The following SEMG2 variants were observed in gnomAD, a reference collection of about 807,000 sequenced individuals.
SEMG2 encodes the protein semenogelin-2.
SEMG2 carries 3 observed loss-of-function variants against 8.1 expected under a neutral mutation model. The ratio of observed to expected loss-of-function variants is 0.37; its 90% CI spans 0.17 to 0.96. The LOEUF (loss-of-function observed/expected upper bound fraction) is 0.96, where lower values mean the gene tolerates loss of function less well. Ranked by LOEUF, SEMG2 falls within the 40% of genes least tolerant of loss-of-function variation. The pLI is 0.41. For missense variants in SEMG2, 726 were observed against 671.2 expected, an observed-to-expected ratio of 1.08 and a Z score of -0.90; for synonymous variants, 252 against 231.4, an observed-to-expected ratio of 1.09 and a Z score of -0.81.
In SEMG2 at chr20:45,221,797, A is replaced by G. The variant is rs367855275; in HGVS notation, c.165A>G (p.Gln55=). The G allele has an allele frequency of 3.7e-6, 6 of 1,614,096 alleles. No individual in the cohort carries two copies. In the African/African-American group the frequency reaches 5.3e-5, roughly 14 times the overall value. ...GQHYFGQKDQ[Q]HTKSKGSFSI... is the part of the protein sequence containing the mutation. The stretch of plus-strand genomic sequence containing the variant: ...ACTATTTTGGACAAAAAGACCAACA[A>G]CATACTAAATCCAAAGGCAGTTTTT... The change falls in exon 2 of 3, where the codon CAA becomes CAG. Residue 55 remains glutamine (Q), a synonymous_variant. Transcript: ENST00000372769.
In SEMG2 at chr20:45,221,799, A is replaced by G. The variant is rs780842367; in HGVS notation, c.167A>G (p.His56Arg). The G allele has an allele frequency of 6.2e-7, 1 of 1,614,218 alleles. No individual in the cohort carries two copies. The highest frequency in any genetic ancestry group is 8.5e-7 in the Non-Finnish European group (1 of 1,180,028). Residue 56 changes from histidine (H) to arginine (R), a missense_variant, in exon 2 of 3, where the codon CAT becomes CGT. Transcript: ENST00000372769. ...QHYFGQKDQQ[H>R]TKSKGSFSIQ... ...TATTTTGGACAAAAAGACCAACAAC[A>G]TACTAAATCCAAAGGCAGTTTTTCT...
Position 45,222,260 on chromosome 20 carries a change from A to G in SEMG2, c.628A>G (p.Thr210Ala). 6.2e-7 allele frequency: 1 copy of G among 1,614,116 alleles called. No homozygotes were observed. Among genetic ancestry groups the G allele is most frequent in the Middle Eastern group, 1.6e-4 (1 of 6,062 alleles). The change falls in exon 2 of 3, where the codon ACT becomes GCT. Residue 210 changes from threonine to alanine, a missense_variant. Thr to Ala is a moderately conservative substitution (Grantham distance 58). Transcript: ENST00000372769. ...ELVVNKQQRETKNSHQNKGHY... is the reference protein window; with the variant it reads ...ELVVNKQQREAKNSHQNKGHY... Reference sequence around the variant, plus strand: ...AGTAGTTAACAAACAACAACGTGAGACTAAAAATTCTCATCAAAATAAAGG... The same window carrying G: ...AGTAGTTAACAAACAACAACGTGAGGCTAAAAATTCTCATCAAAATAAAGG...
Position 45,221,893 on chromosome 20 carries a change from G to A in SEMG2, c.261G>A (p.Leu87=), listed in dbSNP as rs147702753. 486 of 1,613,810 alleles carry A rather than the reference G, an allele frequency of 3.0e-4. No homozygotes were observed. The highest frequency in any genetic ancestry group is 4.0e-4 in the Non-Finnish European group (475 of 1,179,972). Residue 87 remains leucine (L), a synonymous_variant, in exon 2 of 3, where the codon TTG becomes TTA. Coordinates refer to ENST00000372769, the MANE Select transcript of SEMG2 (RefSeq NM_003008.3). ...CCCGAAAAAGTCAGCAATATGATTT[G>A]AATGCCCTACATAAGGCGACAAAAT... ...DWTRKSQQYD[L]NALHKATKSK... is the part of the protein sequence containing the mutation.
In SEMG2 at chr20:45,223,696, T is replaced by C. The variant is rs546394583; in HGVS notation, c.*44+271T>C. 2.0e-5 allele frequency among the ~76,000 whole-genome samples: 3 copies of C among 152,374 alleles called. No individual in the cohort carries two copies. The South Asian group carries it at 6.2e-4, about 32-fold the overall frequency. ...CATGCCTACCTGCTAAAGATTTTTTTGAACATGCACTGACTATATATGCAT... is the reference window on the plus strand; with the variant it reads ...CATGCCTACCTGCTAAAGATTTTTTCGAACATGCACTGACTATATATGCAT... On this transcript the variant is annotated intron_variant, in intron 2 of 2. Coordinates refer to ENST00000372769, the MANE Select transcript of SEMG2 (RefSeq NM_003008.3).
At chr20:45,221,510 T>A in intron 1 of SEMG2, 45 bp downstream of exon 1, 1 of 1,607,740 alleles carries the variant, frequency 6.2e-7, no homozygotes, top group Non-Finnish European at 8.5e-7. Context: ...TTTAAAAAAA[T>A]GGCCTCTAAG....
intron 1 of SEMG2, 109 bp downstream of exon 1, chr20:45,221,574 G>A: frequency 1.4e-6 from 2 of 1,424,132 alleles, no homozygotes; most frequent in Non-Finnish European, 1.9e-6. Context: ...TCTCCTTGAT[G>A]AGAATTGATT....
chr20:45,222,152 G>A lies in SEMG2; in HGVS notation c.520G>A (p.Glu174Lys), dbSNP rs769317812. 6.2e-7 allele frequency: 1 copy of A among 1,614,128 alleles called. No homozygotes were observed. Among genetic ancestry groups the A allele is most frequent in the Admixed American group, 1.7e-5 (1 of 60,022 alleles). The change falls in exon 2 of 3, where the codon GAA (glutamate) becomes AAA (lysine). Residue 174 changes from glutamate (E) to lysine (K), a missense_variant. Physicochemically the swap from Glu to Lys is moderately conservative, Grantham distance 56 (BLOSUM62 1). Coordinates refer to ENST00000372769, the MANE Select transcript of SEMG2 (RefSeq NM_003008.3). The part of the protein sequence containing the change: ...KRLWVHGLSK[E>K]QASASGAQKG... ...GCTATGGGTTCATGGACTAAGTAAA[G>A]AACAAGCTTCAGCCTCTGGTGCACA...
rs147702753 is a variant in SEMG2 at position 45,221,893 on chromosome 20, G to T, written c.261G>T (p.Leu87Phe). 1 of 1,613,928 alleles carries T rather than the reference G, an allele frequency of 6.2e-7. No homozygotes were observed. Among genetic ancestry groups the T allele is most frequent in the Non-Finnish European group, 8.5e-7 (1 of 1,179,964 alleles). ...DWTRKSQQYD[L>F]NALHKATKSK... ...CCCGAAAAAGTCAGCAATATGATTT[G>T]AATGCCCTACATAAGGCGACAAAAT... The change falls in exon 2 of 3, where the codon TTG (leucine) becomes TTT (phenylalanine). Residue 87 changes from leucine (L) to phenylalanine (F), a missense_variant. Transcript: ENST00000372769.
At chr20:45,223,552 G>T in intron 2 of SEMG2, 127 bp downstream of exon 2, 1 of 506,548 alleles carries the variant, frequency 2.0e-6, no homozygotes, top group Non-Finnish European at 3.4e-6. Context: ...GTGGTGGGAA[G>T]ATGAACACCA....
At chr20:45,221,500 T>C (rs762780645) in intron 1 of SEMG2, 35 bp downstream of exon 1, 3 of 1,608,906 alleles carry the variant, frequency 1.9e-6, no homozygotes, top group Non-Finnish European at 2.5e-6. Context: ...GGAAAGCTAC[T>C]TTAAAAAAAT....
Position 45,223,005 on chromosome 20 carries a change from A to G in SEMG2, c.1373A>G (p.Glu458Gly). 6.2e-7 allele frequency: 1 copy of G among 1,614,184 alleles called. No homozygotes were observed. The highest frequency in any genetic ancestry group is 8.5e-7 in the Non-Finnish European group (1 of 1,180,022). The change falls in exon 2 of 3, where the codon GAG becomes GGG. Residue 458 changes from glutamate to glycine, a missense_variant. Transcript: ENST00000372769. ...NQVTIPSQDQ[E>G]HGHKENKMSY... ...GTAACAATTCCTAGTCAAGATCAAG[A>G]GCATGGCCATAAGGAAAATAAAATG...
At position 45,222,399 on chromosome 20, in the gene SEMG2, C is replaced by A. The variant is rs761999691; in HGVS notation, c.767C>A (p.Thr256Asn). Residue 256 changes from threonine to asparagine, a missense_variant, in exon 2 of 3, where the codon ACC becomes AAC. Transcript: ENST00000372769. ...CATGGACCCAAAGACATTTTTACTA[C>A]CCAAGATGAGCTCCTAGTATATAAC... ...LQHGPKDIFT[T>N]QDELLVYNKN... is the part of the protein sequence containing the mutation. 1 of 1,614,098 alleles carries A rather than the reference C, an allele frequency of 6.2e-7. No homozygotes were observed. The highest frequency in any genetic ancestry group is 1.1e-5 in the South Asian group (1 of 91,082).
At position 45,222,281 on chromosome 20, in the gene SEMG2, A is replaced by T. The variant is rs760346517; in HGVS notation, c.649A>T (p.Lys217Ter). ...QRETKNSHQN[K>*]GHYQNVVDVR... ...TGAGACTAAAAATTCTCATCAAAAT[A>T]AAGGGCATTACCAAAATGTGGTTGA... The change falls in exon 2 of 3, where the codon AAA becomes TAA. Residue 217 changes from lysine (K) to a stop codon, truncating the protein, a stop_gained. Transcript: ENST00000372769. LOFTEE classifies it low-confidence loss of function (END_TRUNC). 15 of 1,614,146 alleles carry T rather than the reference A, an allele frequency of 9.3e-6. No individual in the cohort carries two copies. The highest frequency in any genetic ancestry group is 1.6e-4 in the Middle Eastern group (1 of 6,062).
chr20:45,224,407 C>G lies in SEMG2; in HGVS notation c.*161C>G, dbSNP rs3199992. The G allele has an allele frequency of 2.0e-5, 3 of 152,240 alleles. No homozygotes were observed. The highest frequency in any genetic ancestry group is 2.9e-5 in the Non-Finnish European group (2 of 68,056). The allele number at this position is 152,240 out of a possible 1,614,324, so 9.4% of individuals were successfully genotyped here. On this transcript the variant is annotated 3_prime_UTR_variant, in exon 3 of 3. Transcript: ENST00000372769. ...CCCATGCTTCCTTGCATTAGGCTTT[C>G]TAAACCCGGAGCCCCTTCAAACTTC...
At position 45,221,428 on chromosome 20, in the gene SEMG2, T is replaced by C. The variant is rs756608699; in HGVS notation, c.39T>C (p.Leu13=). ...SIILFVLSLL[L]ILEKQAAVMG... is the part of the protein sequence containing the mutation. ...TCCTCTTTGTCCTTTCCCTGCTCCTTATCTTGGAGAAGCAAGCAGCTGTGA... is the reference window on the plus strand; with the variant it reads ...TCCTCTTTGTCCTTTCCCTGCTCCTCATCTTGGAGAAGCAAGCAGCTGTGA... The change falls in exon 1 of 3, where the codon CTT becomes CTC. Residue 13 remains leucine, a synonymous_variant. Coordinates refer to ENST00000372769, the MANE Select transcript of SEMG2 (RefSeq NM_003008.3). The C allele has an allele frequency of 6.8e-6, 11 of 1,614,158 alleles. No individual in the cohort carries two copies. The Admixed American group carries it at 1.7e-4, about 24-fold the overall frequency.
Position 45,221,775 on chromosome 20 carries a change from A to G in SEMG2, c.143A>G (p.Tyr48Cys). 6.2e-7 allele frequency: 1 copy of G among 1,614,108 alleles called. No homozygotes were observed. Among genetic ancestry groups the G allele is most frequent in the Non-Finnish European group, 8.5e-7 (1 of 1,179,994 alleles). ...CCACATGGACAAAAGGGCCAGCACT[A>G]TTTTGGACAAAAAGACCAACAACAT... Reference protein sequence around the residue: ...QFPHGQKGQHYFGQKDQQHTK... With the variant: ...QFPHGQKGQHCFGQKDQQHTK... Residue 48 changes from tyrosine (Y) to cysteine (C), a missense_variant, in exon 2 of 3, where the codon TAT (tyrosine) becomes TGT (cysteine). Transcript: ENST00000372769.
rs1481782462 is a variant in SEMG2 at position 45,223,422 on chromosome 20, C to G, written c.*41C>G. Reference sequence around the variant, plus strand: ...ACCACTTGAAAAGCTGGACCAATAGCAAGGTAAGTTTGCTTTTCTTACCAA... The same window carrying G: ...ACCACTTGAAAAGCTGGACCAATAGGAAGGTAAGTTTGCTTTTCTTACCAA... On this transcript the variant is annotated 3_prime_UTR_variant, in exon 2 of 3. Coordinates refer to ENST00000372769, the MANE Select transcript of SEMG2 (RefSeq NM_003008.3). 1 of 1,454,230 alleles carries G rather than the reference C, an allele frequency of 6.9e-7. No homozygotes were observed. The highest frequency in any genetic ancestry group is 2.3e-5 in the East Asian group (1 of 43,696). 90.1% of individuals were successfully genotyped at this position (1,454,230 alleles called of 1,614,324 possible). A position where few individuals can be genotyped will look rare whatever the true frequency, so the allele number is the denominator to read the frequency against.
intron 2 of SEMG2, among the ~76,000 whole-genome samples, 170 bp from the exon 3 acceptor site, chr20:45,224,121 A>G (rs1199891238): frequency 1.3e-5 from 2 of 152,162 alleles, no homozygotes; most frequent in Non-Finnish European, 1.5e-5. Context: ...GTACCTGAAG[A>G]GAGGGTAAGC....
In SEMG2 at chr20:45,222,401, C is replaced by G. The variant is rs750536580; in HGVS notation, c.769C>G (p.Gln257Glu). The G allele has an allele frequency of 3.1e-6, 5 of 1,614,116 alleles. No homozygotes were observed. The highest frequency in any genetic ancestry group is 4.2e-6 in the Non-Finnish European group (5 of 1,179,986). ...QHGPKDIFTT[Q>E]DELLVYNKNQ... ...TGGACCCAAAGACATTTTTACTACC[C>G]AAGATGAGCTCCTAGTATATAACAA... Residue 257 changes from glutamine to glutamate, a missense_variant, in exon 2 of 3, where the codon CAA becomes GAA. Gln to Glu is a conservative substitution (Grantham distance 29, BLOSUM62 2). Transcript: ENST00000372769.
Sources: gnomAD v4.1 joint callset for allele counts (sites outside exome capture counted in the v4.1 genomes callset) on GRCh38, gnomAD v4.1.1 for gene constraint, MANE v1.5 for transcripts, NCBI Gene and HGNC (gene_info 2026-07-23, HGNC 2026-07-21) for gene names.